Variants in XCR1 observed in about 807,000 individuals in gnomAD.
XCR1 encodes chemokine XC receptor 1.
For missense variants in XCR1, 356 were observed against 424.2 expected (o/e 0.84, Z 1.41); for synonymous variants, 187 against 188.5 (o/e 0.99, Z 0.06).
At chr3:46,039,306 G>T (rs1280605438) in intron 5 of XCR1, among the ~76,000 whole-genome samples, 1 of 133,146 alleles carries the variant, frequency 7.5e-6, no homozygotes, top group African/African-American at 2.7e-5. Context: ...TTTCTTTAAT[G>T]ATGGAAAGTT....
At chr3:46,064,241 A>G (rs181740458) in intron 4 of XCR1, among the ~76,000 whole-genome samples, 53 of 152,324 alleles carry the variant, frequency 3.5e-4, no homozygotes, top group African/African-American at 1.2e-3. Flanking sequence ...TGTGCCAGGC[A>G]CTGCGTAATT....
rs1708117039 is a variant in XCR1 at position 46,020,415 on chromosome 3, G to T, written c.*531C>A. On this transcript the variant is annotated 3_prime_UTR_variant, in exon 2 of 2. Coordinates refer to ENST00000309285, the MANE Select transcript of XCR1 (RefSeq NM_001024644.2). ...TTAGAATCCAGATATCAACATGACT[G>T]CTTATCTCAGGGTATGGCGACTTTT... 6.5e-6 allele frequency: 1 copy of T among 153,884 alleles called. No homozygotes were observed. The highest frequency in any genetic ancestry group is 1.4e-5 in the Non-Finnish European group (1 of 69,344). The allele number at this position is 153,884 out of a possible 1,614,324, so 9.5% of individuals were successfully genotyped here.
At chr3:46,059,622 T>C (rs1409917229) in intron 4 of XCR1, among the ~76,000 whole-genome samples, 9 of 152,172 alleles carry the variant, frequency 5.9e-5, no homozygotes, top group African/African-American at 1.9e-4. Context: ...TAACATGCAG[T>C]ATACGTATTC....
At chr3:46,042,388 C>T (rs1002392976) in intron 5 of XCR1, among the ~76,000 whole-genome samples, 1 of 151,976 alleles carries the variant, frequency 6.6e-6, no homozygotes, top group African/African-American at 2.4e-5. Flanking sequence ...AAAGTTTGCT[C>T]TTTAAAAAAA....
intron 1 of XCR1, among the ~76,000 whole-genome samples, chr3:46,083,770 A>G (rs1414117603): frequency 6.6e-6 from 1 of 152,234 alleles, no homozygotes; most frequent in Non-Finnish European, 1.5e-5. Context: ...GTGGTGGCAA[A>G]TACCTCTTGT....
chr3:46,057,819 A>G (rs1697878888), intron 4 of XCR1, among the ~76,000 whole-genome samples: 2 of 151,996 alleles, frequency 1.3e-5, no homozygotes, highest in South Asian at 4.1e-4. Context: ...AGTCCCTACA[A>G]TTGTGTAAGA....
rs142953272 is a variant in XCR1 at position 46,052,351 on chromosome 3, C to T, written c.-32+1569G>A. Among the ~76,000 whole-genome samples, 31 of 152,188 alleles carry T rather than the reference C, an allele frequency of 2.0e-4. No individual in the cohort carries two copies. The East Asian group carries it at 2.3e-3, about 11-fold the overall frequency. On this transcript the variant is annotated intron_variant, in intron 5 of 5. Transcript: ENST00000683768. ...GGATGCCCTGATTGTTTGTGGGGCC[C>T]GGGTCCAGGCCCCCGTCTCATTTCC...
intron 3 of XCR1, among the ~76,000 whole-genome samples, chr3:46,067,656 A>G (rs1488291411): frequency 6.6e-6 from 1 of 152,186 alleles, no homozygotes; most frequent in Non-Finnish European, 1.5e-5. Flanking sequence ...CCCAGGGAAC[A>G]CATGATCACT....
upstream of XCR1, among the ~76,000 whole-genome samples, chr3:46,031,746 C>T (rs932674755): frequency 6.6e-6 from 1 of 152,216 alleles, no homozygotes; most frequent in Non-Finnish European, 1.5e-5. Flanking sequence ...CCCATGGCCA[C>T]CCATGGACTT....
intron 5 of XCR1, among the ~76,000 whole-genome samples, chr3:46,037,704 A>G (rs903118603): frequency 6.6e-6 from 1 of 152,198 alleles, no homozygotes; most frequent in Non-Finnish European, 1.5e-5. Context: ...ACTGATTAAC[A>G]TTGCTCATAG....
At chr3:46,071,437 G>A (rs1698162633) in intron 3 of XCR1, among the ~76,000 whole-genome samples, 1 of 151,958 alleles carries the variant, frequency 6.6e-6, no homozygotes, top group African/African-American at 2.4e-5. Context: ...AAAAATTGAG[G>A]AGGGAATTCA....
At chr3:46,068,920 G>C (rs1487413912) in intron 3 of XCR1, among the ~76,000 whole-genome samples, 3 of 152,118 alleles carry the variant, frequency 2.0e-5, no homozygotes, top group Non-Finnish European at 4.4e-5. Context: ...GAAAAGAACA[G>C]TATAGTAAAA....
chr3:46,052,447 G>A (rs1360466683), intron 5 of XCR1, among the ~76,000 whole-genome samples: 2 of 152,184 alleles, frequency 1.3e-5, no homozygotes, highest in African/African-American at 4.8e-5. Context: ...TTTGTTATAG[G>A]GAGGACAGTC....
intron 5 of XCR1, among the ~76,000 whole-genome samples, chr3:46,046,115 A>C (rs1697621427): frequency 6.6e-6 from 1 of 152,220 alleles, no homozygotes; most frequent in African/African-American, 2.4e-5. Flanking sequence ...CAAGTGAGAC[A>C]CAGAAAGATA....
intron 5 of XCR1, among the ~76,000 whole-genome samples, chr3:46,046,379 A>G (rs750117104): frequency 1.3e-5 from 2 of 152,196 alleles, no homozygotes; most frequent in East Asian, 1.9e-4. Flanking sequence ...GGCTTGCAAG[A>G]CTGCATTCTC....
chr3:46,085,286 G>A (rs548811558), intron 1 of XCR1, among the ~76,000 whole-genome samples: 2 of 151,654 alleles, frequency 1.3e-5, no homozygotes, highest in Admixed American at 1.3e-4. Context: ...AGGTACTAAT[G>A]TGATCTACAT....
At chr3:46,077,536 C>T (rs1438960394) in intron 1 of XCR1, among the ~76,000 whole-genome samples, 1 of 151,968 alleles carries the variant, frequency 6.6e-6, no homozygotes, top group Non-Finnish European at 1.5e-5. Context: ...AAATAAAGTG[C>T]ACAATAAATG....
At chr3:46,062,823 G>A (rs1697991384) in intron 4 of XCR1, among the ~76,000 whole-genome samples, 1 of 152,230 alleles carries the variant, frequency 6.6e-6, no homozygotes, top group African/African-American at 2.4e-5. Context: ...GGAACTCCTA[G>A]CCTATCTCTG....
intron 5 of XCR1, among the ~76,000 whole-genome samples, chr3:46,040,636 C>T (rs1470272307): frequency 1.3e-5 from 2 of 151,896 alleles, no homozygotes; most frequent in Admixed American, 6.6e-5. Flanking sequence ...TTGTTGTATG[C>T]CACAGAAATA....
Sources: allele counts gnomAD v4.1 joint callset (sites outside exome capture counted in the v4.1 genomes callset), GRCh38; gene constraint gnomAD v4.1.1; transcripts MANE v1.5; gene names NCBI Gene and HGNC (gene_info 2026-07-23, HGNC 2026-07-21).